METTL15: variants seen among roughly 807,000 people sequenced by gnomAD.
METTL15 encodes 12S rRNA N(4)-cytidine methyltransferase METTL15.
In METTL15, 34 loss-of-function variants were observed where a neutral mutation model predicts 38.3. That is an observed-to-expected ratio of 0.89 (90% CI 0.68 to 1.18). The LOEUF (loss-of-function observed/expected upper bound fraction) is 1.18, where lower values mean the gene tolerates loss of function less well. Ranked by LOEUF, METTL15 falls within the 50% of genes most tolerant of loss-of-function variation. The pLI, the probability that METTL15 is intolerant of heterozygous loss-of-function variation, is 0.00. For missense variants in METTL15, 438 were observed against 498.4 expected (o/e 0.88, Z 1.15); for synonymous variants, 162 against 170.9 (o/e 0.95, Z 0.41).
intron 6 of METTL15, among the ~76,000 whole-genome samples, chr11:28,436,763 C>A (rs568691904): frequency 1.9e-4 from 29 of 152,254 alleles, no homozygotes; most frequent in African/African-American, 6.7e-4. Context: ...TCAGAGATCT[C>A]ATTTTATACA....
intron 6 of METTL15, among the ~76,000 whole-genome samples, chr11:28,444,235 G>A (rs755844978): frequency 2.0e-5 from 3 of 152,108 alleles, no homozygotes; most frequent in Admixed American, 6.5e-5. Context: ...TGGTTAAAGG[G>A]TATAGACATT....
Position 28,114,571 on chromosome 11 carries a change from C to G in METTL15, c.270+967C>G, listed in dbSNP as rs539191947. Among the ~76,000 whole-genome samples the G allele has an allele frequency of 1.2e-4, 18 of 152,186 alleles. 1 individual carries two copies. The highest frequency in any genetic ancestry group is 1.0e-3 in the South Asian group (5 of 4,826). ...GTTCAAGCGATTCTCTTGCCTGAGC[C>G]TCCCAAGTAGCTGAGACTATAGGTG... is the stretch of plus-strand genomic sequence containing the variant. On this transcript the variant is annotated intron_variant, in intron 3 of 6. Transcript: ENST00000407364.
chr11:28,490,575 G>A lies in METTL15; in HGVS notation c.*425-35903G>A, dbSNP rs1396616144. 3.3e-5 allele frequency among the ~76,000 whole-genome samples: 5 copies of A among 152,168 alleles called. No homozygotes were observed. The East Asian group carries it at 9.7e-4, about 29-fold the overall frequency. ...GAGATTTTGATTTAATTTATCTAGG[G>A]TGAGATCTTGGTCTCAGTCATTTTT... On this transcript the variant is annotated intron_variant and NMD_transcript_variant, in intron 6 of 7. Coordinates refer to the METTL15 transcript ENST00000532947.
At chr11:28,181,206 T>G (rs915914497) in intron 3 of METTL15, among the ~76,000 whole-genome samples, 3 of 151,554 alleles carry the variant, frequency 2.0e-5, no homozygotes, top group African/African-American at 7.3e-5. Context: ...AAATTTTAAG[T>G]AATTTTTTGC....
intron 6 of METTL15, among the ~76,000 whole-genome samples, chr11:28,480,841 A>G (rs1277439119): frequency 6.6e-6 from 1 of 152,150 alleles, no homozygotes; most frequent in African/African-American, 2.4e-5. Flanking sequence ...ACAGAAGGAA[A>G]AGACACTGGA....
intron 5 of METTL15, among the ~76,000 whole-genome samples, chr11:28,389,256 G>C (rs1205584169): frequency 6.7e-6 from 1 of 150,242 alleles, no homozygotes; most frequent in African/African-American, 2.4e-5. Flanking sequence ...TATACTTTAA[G>C]TTTTACGGTA....
intron 3 of METTL15, among the ~76,000 whole-genome samples, chr11:28,139,764 A>C (rs960126990): frequency 6.6e-6 from 1 of 152,190 alleles, no homozygotes; most frequent in Non-Finnish European, 1.5e-5. Flanking sequence ...AAAAAAAAAA[A>C]ACAAAACTCT....
At chr11:28,483,954 A>G (rs1851417559) in intron 6 of METTL15, among the ~76,000 whole-genome samples, 1 of 152,188 alleles carries the variant, frequency 6.6e-6, no homozygotes, top group African/African-American at 2.4e-5. Context: ...ATTGATATAT[A>G]TTTAAAAATA....
intron 4 of METTL15, among the ~76,000 whole-genome samples, chr11:28,243,193 T>C (rs1446044695): frequency 1.3e-5 from 2 of 152,106 alleles, no homozygotes; most frequent in African/African-American, 4.8e-5. Flanking sequence ...TAAAATAATA[T>C]GGAAACTTGT....
At chr11:28,219,165 T>C (rs1853060313) in intron 4 of METTL15, among the ~76,000 whole-genome samples, 1 of 152,220 alleles carries the variant, frequency 6.6e-6, no homozygotes, top group Non-Finnish European at 1.5e-5. Flanking sequence ...TCTGGTAGAA[T>C]TAGGCTGTGA....
chr11:28,497,203 GCTT>G (rs1851541945), intron 6 of METTL15, among the ~76,000 whole-genome samples: 1 of 152,148 alleles, frequency 6.6e-6, no homozygotes, highest in Non-Finnish European at 1.5e-5. Context: ...TTTTTCTTTA[GCTT>G]TGTATCTACA....
intron 6 of METTL15, among the ~76,000 whole-genome samples, chr11:28,508,857 T>A (rs1168797195): frequency 6.6e-6 from 1 of 152,212 alleles, no homozygotes; most frequent in Non-Finnish European, 1.5e-5. Context: ...GGGACATCAT[T>A]TAGGGATAAG....
At position 28,396,572 on chromosome 11, in the gene METTL15, T is replaced by C. The variant is rs534937407; in HGVS notation, c.*359-27727T>C. On this transcript the variant is annotated intron_variant and NMD_transcript_variant, in intron 5 of 7. Transcript: ENST00000532947. ...CTCTTCAAGGAGAACTACAAACCAC[T>C]GCTCAATGAAATAAAAGAGGACACA... Among the ~76,000 whole-genome samples, 245 of 152,156 alleles carry C rather than the reference T, an allele frequency of 1.6e-3. 2 individuals are homozygous for C. The highest frequency in any genetic ancestry group is 5.6e-3 in the African/African-American group (231 of 41,520).
chr11:28,278,912 C>T (rs965491693), intron 4 of METTL15, among the ~76,000 whole-genome samples: 1 of 152,092 alleles, frequency 6.6e-6, no homozygotes, highest in Admixed American at 6.5e-5. Flanking sequence ...CTGCAACCTC[C>T]GCTCCCCAGA....
At chr11:28,521,230 G>A (rs1368065715) in intron 6 of METTL15, among the ~76,000 whole-genome samples, 1 of 152,162 alleles carries the variant, frequency 6.6e-6, no homozygotes, top group Non-Finnish European at 1.5e-5. Flanking sequence ...CCCTTATTTA[G>A]TGCCAAGTAT....
chr11:28,339,472 A>T (rs1266897022), intron 3 of METTL15, among the ~76,000 whole-genome samples: 5 of 151,828 alleles, frequency 3.3e-5, no homozygotes, highest in Non-Finnish European at 5.9e-5. Context: ...AAAATCATCA[A>T]CTAAAAGATA....
At chr11:28,119,934 A>G (rs193126004) in intron 3 of METTL15, among the ~76,000 whole-genome samples, 107 of 152,284 alleles carry the variant, frequency 7.0e-4, no homozygotes, top group African/African-American at 2.5e-3. Flanking sequence ...CCAATGGCAT[A>G]GCACCTAGAG....
intron 3 of METTL15, among the ~76,000 whole-genome samples, chr11:28,136,211 T>C (rs1336525704): frequency 6.6e-6 from 1 of 152,100 alleles, no homozygotes; most frequent in Non-Finnish European, 1.5e-5. Context: ...CCCACCCAAA[T>C]TTTACCTTGA....
At chr11:28,523,495 A>G (rs182551273) in intron 6 of METTL15, among the ~76,000 whole-genome samples, 148 of 152,332 alleles carry the variant, frequency 9.7e-4, no homozygotes, top group African/African-American at 3.4e-3. Flanking sequence ...GTCACCAACC[A>G]AACACCAGCA....
Sources: gnomAD v4.1 joint callset for allele counts (sites outside exome capture counted in the v4.1 genomes callset) on GRCh38, gnomAD v4.1.1 for gene constraint, MANE v1.5 for transcripts, NCBI Gene and HGNC (gene_info 2026-07-23, HGNC 2026-07-21) for gene names.